NRG3: variants seen among roughly 807,000 people sequenced by gnomAD.
The protein encoded by NRG3 is neuregulin 3.
Under a neutral mutation model 66.9 loss-of-function variants are expected in NRG3, and 31 were observed. That is an observed-to-expected ratio of 0.46 (90% CI 0.35 to 0.63). The LOEUF (loss-of-function observed/expected upper bound fraction) is 0.63, where lower values mean the gene tolerates loss of function less well. Ranked by LOEUF, NRG3 falls within the 20% of genes least tolerant of loss-of-function variation. The pLI, the probability that NRG3 is intolerant of heterozygous loss-of-function variation, is 0.00. For synonymous variants in NRG3, 393 were observed against 359.4 expected, an observed-to-expected ratio of 1.09 and a Z score of -1.06; for missense variants, 910 against 878.9, an observed-to-expected ratio of 1.04 and a Z score of -0.45.
intron 1 of NRG3, among the ~76,000 whole-genome samples, chr10:82,343,033 C>T (rs888880805): frequency 4.6e-5 from 7 of 152,056 alleles, no homozygotes; most frequent in African/African-American, 1.7e-4. Flanking sequence ...GTGTCCTCTC[C>T]CCAGTGTATA....
chr10:82,959,337 T>C (rs1468620570), intron 6 of NRG3, among the ~76,000 whole-genome samples: 3 of 152,214 alleles, frequency 2.0e-5, no homozygotes, highest in Non-Finnish European at 4.4e-5. Context: ...CTTCAGTTTT[T>C]TGTCCCATGA....
intron 1 of NRG3, among the ~76,000 whole-genome samples, chr10:82,093,061 C>G (rs1332495893): frequency 6.6e-6 from 1 of 152,198 alleles, no homozygotes; most frequent in Non-Finnish European, 1.5e-5. Flanking sequence ...AGACTCATTA[C>G]TCTTCTTGTC....
At chr10:82,639,036 G>A (rs1035364892) in intron 2 of NRG3, among the ~76,000 whole-genome samples, 17 of 152,042 alleles carry the variant, frequency 1.1e-4, no homozygotes, top group African/African-American at 3.9e-4. Context: ...CAACTCTGTC[G>A]TTGCCATGTG....
At chr10:81,977,514 A>T (rs952858812) in intron 1 of NRG3, among the ~76,000 whole-genome samples, 12 of 152,232 alleles carry the variant, frequency 7.9e-5, no homozygotes, top group Non-Finnish European at 4.4e-5. Flanking sequence ...CAGCAAAATT[A>T]TATTGAATTT....
At chr10:82,421,657 T>A (rs73306177) in intron 2 of NRG3, among the ~76,000 whole-genome samples, 34,016 of 151,972 alleles carry the variant, frequency 0.22, 5,753 homozygotes, top group African/African-American at 0.47. Context: ...TTGCATTTAT[T>A]TTTTTCTTTT....
intron 2 of NRG3, among the ~76,000 whole-genome samples, chr10:82,418,238 G>T (rs950861231): frequency 6.6e-6 from 1 of 152,140 alleles, no homozygotes; most frequent in South Asian, 2.1e-4. Context: ...TGAACAACCA[G>T]ATTTGGGGAT....
chr10:82,513,632 T>A (rs1020915239), intron 2 of NRG3, among the ~76,000 whole-genome samples: 1 of 152,078 alleles, frequency 6.6e-6, no homozygotes, highest in Admixed American at 6.6e-5. Flanking sequence ...ACACAAAAAT[T>A]AGCTGGGTGT....
chr10:81,881,988 A>G (rs1842223759), intron 1 of NRG3, among the ~76,000 whole-genome samples: 1 of 152,190 alleles, frequency 6.6e-6, no homozygotes, highest in Non-Finnish European at 1.5e-5. Flanking sequence ...AAAACAACTT[A>G]CCTTTTGGAG....
intron 2 of NRG3, among the ~76,000 whole-genome samples, chr10:82,549,456 G>A (rs145150164): frequency 1.9e-3 from 291 of 152,284 alleles, no homozygotes; most frequent in African/African-American, 6.4e-3. Flanking sequence ...AATGCAGAGG[G>A]TAGGGAGCCA....
chr10:82,404,679 G>T (rs762537528), intron 2 of NRG3, among the ~76,000 whole-genome samples: 13 of 152,130 alleles, frequency 8.5e-5, no homozygotes, highest in Non-Finnish European at 5.9e-5. Context: ...CTGTATATTT[G>T]CTAAGGGATT....
intron 2 of NRG3, among the ~76,000 whole-genome samples, chr10:82,428,006 G>A (rs2136295400): frequency 6.6e-6 from 1 of 151,918 alleles, no homozygotes; most frequent in Middle Eastern, 3.4e-3. Context: ...GTTGTTCATA[G>A]CATTCCTTAT....
chr10:82,453,150 T>C (rs895055774), intron 2 of NRG3, among the ~76,000 whole-genome samples: 1 of 152,120 alleles, frequency 6.6e-6, no homozygotes, highest in Non-Finnish European at 1.5e-5. Context: ...TTATTATTAT[T>C]ATATGGGATT....
intron 2 of NRG3, among the ~76,000 whole-genome samples, chr10:82,410,993 A>G (rs1364391203): frequency 6.6e-6 from 1 of 152,156 alleles, no homozygotes; most frequent in Non-Finnish European, 1.5e-5. Flanking sequence ...TCTGTATTTC[A>G]AAGAATTTAC....
chr10:82,458,604 G>A (rs1011206235), intron 2 of NRG3, among the ~76,000 whole-genome samples: 10 of 152,154 alleles, frequency 6.6e-5, no homozygotes, highest in South Asian at 2.1e-4. Flanking sequence ...CCAAGACCTC[G>A]CTCTGTCTCT....
chr10:82,555,086 G>A (rs1223201850), intron 2 of NRG3, among the ~76,000 whole-genome samples: 4 of 152,066 alleles, frequency 2.6e-5, no homozygotes, highest in African/African-American at 7.2e-5. Flanking sequence ...TTGCCATATG[G>A]CCAGTCCATA....
At chr10:81,888,933 T>G (rs755570524) in intron 1 of NRG3, among the ~76,000 whole-genome samples, 8 of 152,176 alleles carry the variant, frequency 5.3e-5, no homozygotes, top group Non-Finnish European at 1.0e-4. Flanking sequence ...TTAAAGATAT[T>G]GTCTCTGATT....
chr10:82,323,928 G>A lies in NRG3; in HGVS notation c.824-34811G>A, dbSNP rs757479423. On this transcript the variant is annotated intron_variant, in intron 1 of 8. Coordinates refer to ENST00000372141, the MANE Select transcript of NRG3 (RefSeq NM_001010848.4). ...TGCCCAGGCTGGAGTGCAATGGTGC[G>A]ATCTCGGCTCACTGCAACCTCCACC... Among the ~76,000 whole-genome samples, 8 of 152,180 alleles carry A rather than the reference G, an allele frequency of 5.3e-5. No individual in the cohort carries two copies. In the East Asian group the frequency reaches 5.8e-4, roughly 11 times the overall value.
chr10:82,519,992 T>G (rs2132530568), intron 2 of NRG3, among the ~76,000 whole-genome samples: 1 of 152,170 alleles, frequency 6.6e-6, no homozygotes, highest in South Asian at 2.1e-4. Context: ...TGTTTAGGGC[T>G]TTGCCTGAAC....
At position 82,767,194 on chromosome 10, in the gene NRG3, A is replaced by T. The variant is rs114318087; in HGVS notation, c.1027+28544A>T. Among the ~76,000 whole-genome samples the T allele has an allele frequency of 3.4e-3, 520 of 152,054 alleles. 2 individuals are homozygous for T. Among genetic ancestry groups the T allele is most frequent in the African/African-American group, 0.012 (499 of 41,512 alleles). ...TCTCCCTCCAATACTCACAGTGACC[A>T]GTTATTTCACCTTGTCTCCTGGAGC... On this transcript the variant is annotated intron_variant, in intron 3 of 8. Transcript: ENST00000372141.
Sources: gnomAD v4.1 joint callset for allele counts (sites outside exome capture counted in the v4.1 genomes callset) on GRCh38, gnomAD v4.1.1 for gene constraint, MANE v1.5 for transcripts, NCBI Gene and HGNC (gene_info 2026-07-23, HGNC 2026-07-21) for gene names.